Variants in GRM8 observed in about 807,000 individuals in gnomAD.
GRM8 encodes the protein glutamate metabotropic receptor 8.
Under a neutral mutation model 87.2 loss-of-function variants are expected in GRM8, and 47 were observed. The observed-to-expected ratio is 0.54, with a 90% CI of 0.43 to 0.69. The LOEUF (loss-of-function observed/expected upper bound fraction) is 0.69, where lower values mean the gene tolerates loss of function less well. Ranked by LOEUF, GRM8 falls within the 30% of genes least tolerant of loss-of-function variation. GRM8 has a pLI of 0.00. For missense variants in GRM8, 1,019 were observed against 1,139.2 expected (o/e 0.89, Z 1.52); for synonymous variants, 396 against 404.5 (o/e 0.98, Z 0.25).
At chr7:126,787,380 T>C (rs1180806509) in intron 6 of GRM8, among the ~76,000 whole-genome samples, 1 of 152,170 alleles carries the variant, frequency 6.6e-6, no homozygotes, top group Non-Finnish European at 1.5e-5. Context: ...AATCCTATAG[T>C]GTTACTTTTG....
intron 8 of GRM8, among the ~76,000 whole-genome samples, chr7:126,551,290 T>A (rs1354049403): frequency 6.6e-6 from 1 of 152,326 alleles, no homozygotes; most frequent in Admixed American, 6.5e-5. Context: ...CTCTTTTCTA[T>A]CTACCTCTTT....
chr7:126,958,474 C>T (rs964905613), intron 3 of GRM8, among the ~76,000 whole-genome samples: 1 of 152,204 alleles, frequency 6.6e-6, no homozygotes, highest in South Asian at 2.1e-4. Context: ...CGCAGCCTTG[C>T]ACAGAGCTGG....
chr7:126,443,485 TG>T (rs1344416787), intron 10 of GRM8, among the ~76,000 whole-genome samples: 1 of 151,992 alleles, frequency 6.6e-6, no homozygotes, highest in East Asian at 1.9e-4. Context: ...AGTAGGATTG[TG>T]GAAGGATGTG....
chr7:126,492,961 G>C (rs1050074793), intron 9 of GRM8, among the ~76,000 whole-genome samples: 50 of 152,004 alleles, frequency 3.3e-4, no homozygotes, highest in African/African-American at 1.2e-3. Context: ...TATCAGTATG[G>C]GCACCAGCAC....
At chr7:126,785,460 C>T (rs1057377501) in intron 6 of GRM8, among the ~76,000 whole-genome samples, 25 of 152,196 alleles carry the variant, frequency 1.6e-4, no homozygotes, top group African/African-American at 5.5e-4. Context: ...TTAGAACCCA[C>T]GATTTTTAGG....
At chr7:126,773,272 TAAAGA>T (rs1002034597) in intron 6 of GRM8, among the ~76,000 whole-genome samples, 3 of 152,128 alleles carry the variant, frequency 2.0e-5, no homozygotes, top group African/African-American at 7.2e-5. Flanking sequence ...TTGTGGGCTT[TAAAGA>T]AAAGGGAGGA....
In GRM8 at chr7:127,064,620, T is replaced by C. The variant is rs1321496311; in HGVS notation, c.727+41876A>G. Among the ~76,000 whole-genome samples the C allele has an allele frequency of 2.0e-5, 3 of 152,288 alleles. No homozygotes were observed. The East Asian group carries it at 5.8e-4, about 29-fold the overall frequency. ...AGTGGGGTATTTAGCTATTCAAGGT[T>C]AGTGTCTGACAAAGGTCTAATATCC... On this transcript the variant is annotated intron_variant, in intron 3 of 10. Coordinates refer to ENST00000339582, the MANE Select transcript of GRM8 (RefSeq NM_000845.3).
rs541178203 is a variant in GRM8, at chr7:126,888,217, C to T, written c.1156+14325G>A. ...CAGCCCATTCTGTGCCCTCAGCCTG[C>T]CAGTACTTTTCACTTCCAAAGCTAT... On this transcript the variant is annotated intron_variant, in intron 6 of 10. Coordinates refer to ENST00000339582, the MANE Select transcript of GRM8 (RefSeq NM_000845.3). Among the ~76,000 whole-genome samples the T allele has an allele frequency of 1.4e-3, 210 of 152,196 alleles. 1 individual carries two copies. The highest frequency in any genetic ancestry group is 5.0e-3 in the African/African-American group (207 of 41,546).
intron 7 of GRM8, among the ~76,000 whole-genome samples, chr7:126,735,649 A>G (rs1268345860): frequency 6.6e-6 from 1 of 152,110 alleles, no homozygotes; most frequent in African/African-American, 2.4e-5. Flanking sequence ...ATTAAGATAA[A>G]TTATTTATTT....
At chr7:126,568,289 C>T (rs186112073) in intron 8 of GRM8, among the ~76,000 whole-genome samples, 1 of 152,204 alleles carries the variant, frequency 6.6e-6, no homozygotes, top group East Asian at 1.9e-4. Context: ...TCAAACATAT[C>T]CATAGTTACG....
At chr7:126,868,523 G>A (rs1049449656) in intron 6 of GRM8, among the ~76,000 whole-genome samples, 3 of 152,214 alleles carry the variant, frequency 2.0e-5, no homozygotes, top group African/African-American at 7.2e-5. Flanking sequence ...AACAGGATGT[G>A]TCTGCCATCC....
chr7:127,099,431 A>G (rs1825005523), intron 3 of GRM8, among the ~76,000 whole-genome samples: 1 of 152,228 alleles, frequency 6.6e-6, no homozygotes, highest in Non-Finnish European at 1.5e-5. Flanking sequence ...AAAGTGGGGC[A>G]GGTGAACAGC....
At position 127,206,068 on chromosome 7, in the gene GRM8, C is replaced by A. The variant is rs371923184; in HGVS notation, c.510+36627G>T. ...GCTACCAGCATCAAGGACACCAGCA[C>A]CAGAACCAGTCTTTGAACTATTCAA... is the stretch of plus-strand genomic sequence containing the variant. On this transcript the variant is annotated intron_variant, in intron 2 of 10. Transcript: ENST00000339582. Among the ~76,000 whole-genome samples the A allele has an allele frequency of 7.2e-5, 11 of 152,306 alleles. No individual in the cohort carries two copies. In the East Asian group the frequency reaches 2.1e-3, roughly 29 times the overall value.
At chr7:127,123,577 T>A (rs1340552117) in intron 2 of GRM8, among the ~76,000 whole-genome samples, 1 of 152,144 alleles carries the variant, frequency 6.6e-6, no homozygotes, top group Non-Finnish European at 1.5e-5. Context: ...AATCTTAAAC[T>A]TTCCAGCCAT....
chr7:126,821,244 C>G (rs192139831), intron 6 of GRM8, among the ~76,000 whole-genome samples: 4 of 152,290 alleles, frequency 2.6e-5, no homozygotes, highest in Admixed American at 2.6e-4. Context: ...CTCCTCTTTT[C>G]CTTGTATTTT....
At chr7:126,794,702 C>T (rs1475799193) in intron 6 of GRM8, among the ~76,000 whole-genome samples, 2 of 152,122 alleles carry the variant, frequency 1.3e-5, no homozygotes, top group African/African-American at 4.8e-5. Context: ...TGCCCTAAAA[C>T]GGTGTTTGTC....
chr7:126,709,773 G>A (rs1014452641), intron 7 of GRM8, among the ~76,000 whole-genome samples: 2 of 152,026 alleles, frequency 1.3e-5, no homozygotes, highest in African/African-American at 2.4e-5. Context: ...CAACCTAAGT[G>A]TCCATGGACA....
chr7:126,442,137 A>G (rs1043133819), intron 10 of GRM8, among the ~76,000 whole-genome samples: 28 of 151,922 alleles, frequency 1.8e-4, no homozygotes, highest in Non-Finnish European at 2.8e-4. Context: ...GGAAGAACCA[A>G]TATAGAACCA....
intron 8 of GRM8, among the ~76,000 whole-genome samples, chr7:126,558,981 A>G (rs2150952702): frequency 6.6e-6 from 1 of 152,204 alleles, no homozygotes; most frequent in South Asian, 2.1e-4. Flanking sequence ...TAGTGAAGAG[A>G]GAGACGGGTA....
Sources: gnomAD v4.1 joint callset for allele counts (sites outside exome capture counted in the v4.1 genomes callset) on GRCh38, gnomAD v4.1.1 for gene constraint, MANE v1.5 for transcripts, NCBI Gene and HGNC (gene_info 2026-07-23, HGNC 2026-07-21) for gene names.